The following FRRS1L variants were observed in gnomAD, a reference collection of about 807,000 sequenced individuals.
The protein encoded by FRRS1L is ferric chelate reductase 1 like.
Under a neutral mutation model 28.6 loss-of-function variants are expected in FRRS1L, and 22 were observed. That is an observed-to-expected ratio of 0.77 (90% CI 0.55 to 1.10). The LOEUF (loss-of-function observed/expected upper bound fraction) is 1.10. Ranked by LOEUF, FRRS1L falls within the 50% of genes least tolerant of loss-of-function variation. The pLI, the probability that FRRS1L is intolerant of heterozygous loss-of-function variation, is 0.00. For synonymous variants in FRRS1L, 158 were observed against 151.4 expected (o/e 1.04, Z -0.32); for missense variants, 380 against 386.9 (o/e 0.98, Z 0.15).
At position 109,167,119 on chromosome 9, in the gene FRRS1L, T is replaced by C; in HGVS notation, c.20A>G (p.Gln7Arg). 1 of 1,164,512 alleles carries C rather than the reference T, an allele frequency of 8.6e-7. No individual in the cohort carries two copies. Among genetic ancestry groups the C allele is most frequent in the Non-Finnish European group, 1.1e-6 (1 of 947,096 alleles). The allele number at this position is 1,164,512 out of a possible 1,614,324, so 72.1% of individuals were successfully genotyped here. The change falls in exon 1 of 5, where the codon CAG becomes CGG. Residue 7 changes from glutamine (Q) to arginine (R), a missense_variant. Physicochemically the swap from Gln to Arg is conservative, Grantham distance 43. Coordinates refer to ENST00000561981, the MANE Select transcript of FRRS1L (RefSeq NM_014334.4). ...CAGCGACGCCCAGACCCCCGGGTGC[T>C]GCCGGGGCGGCCGCGCCATCCGTGC... MARPPR[Q>R]HPGVWASLLL...
chr9:109,139,410 C>G (rs950508261), intron 4 of FRRS1L: 1 of 152,088 alleles, frequency 6.6e-6, no homozygotes, highest in Non-Finnish European at 1.5e-5. Flanking sequence ...AAAAAGATGA[C>G]CTTCTGAAAA....
At chr9:109,163,569 A>G (rs972299247) in intron 1 of FRRS1L, among the ~76,000 whole-genome samples, 16 of 152,070 alleles carry the variant, frequency 1.1e-4, no homozygotes, top group African/African-American at 3.6e-4. Context: ...TCTGGATTTG[A>G]GGGTTTTGGG....
intron 1 of FRRS1L, among the ~76,000 whole-genome samples, chr9:109,165,145 AAC>A (rs549373452): frequency 7.4e-4 from 113 of 152,334 alleles, no homozygotes; most frequent in African/African-American, 2.5e-3. Context: ...TGCTTTCAGA[AAC>A]AGACGGGCTT....
intron 1 of FRRS1L, among the ~76,000 whole-genome samples, chr9:109,154,082 G>A (rs1466001408): frequency 2.0e-5 from 3 of 152,196 alleles, no homozygotes; most frequent in Non-Finnish European, 4.4e-5. Flanking sequence ...GTTGGCCTGA[G>A]TTCCCAGTTC....
At chr9:109,161,494 T>C (rs1367086980) in intron 1 of FRRS1L, among the ~76,000 whole-genome samples, 4 of 152,174 alleles carry the variant, frequency 2.6e-5, no homozygotes, top group African/African-American at 9.6e-5. Context: ...CTCCCTCCTT[T>C]CCTCTCTATT....
chr9:109,137,446 C>A lies in FRRS1L; in HGVS notation c.*9G>T. 6.5e-7 allele frequency: 1 copy of A among 1,536,826 alleles called. No individual in the cohort carries two copies. Among genetic ancestry groups the A allele is most frequent in the Non-Finnish European group, 8.8e-7 (1 of 1,134,608 alleles). ...CAATCCATGTAATCTGTTGGCCCTG[C>A]AGCTGTGGTTAGGGGGTTCCCATCA... On this transcript the variant is annotated 3_prime_UTR_variant, in exon 5 of 5. Coordinates refer to ENST00000561981, the MANE Select transcript of FRRS1L (RefSeq NM_014334.4).
At chr9:109,138,873 C>A (rs776948683) in intron 4 of FRRS1L, 1 of 152,010 alleles carries the variant, frequency 6.6e-6, no homozygotes, top group Non-Finnish European at 1.5e-5. Flanking sequence ...TTACAGGGAC[C>A]TTAGGAGAAT....
intron 1 of FRRS1L, among the ~76,000 whole-genome samples, chr9:109,160,188 A>T (rs918121756): frequency 6.6e-6 from 1 of 151,960 alleles, no homozygotes; most frequent in African/African-American, 2.4e-5. Flanking sequence ...TATCAGTTTA[A>T]ACCCAACAGC....
intron 4 of FRRS1L, chr9:109,139,154 G>A (rs1831149606): frequency 6.6e-6 from 1 of 152,032 alleles, no homozygotes; most frequent in African/African-American, 2.4e-5. Flanking sequence ...AGCCAAGATC[G>A]CGCCATTGCA....
chr9:109,159,529 G>A (rs965249847), intron 1 of FRRS1L, among the ~76,000 whole-genome samples: 10 of 152,184 alleles, frequency 6.6e-5, no homozygotes, highest in South Asian at 6.2e-4. Flanking sequence ...GCCAGGCATG[G>A]TGGGACCCAC....
At chr9:109,147,646 T>C (rs1482660127) in intron 2 of FRRS1L, 1 of 152,924 alleles carries the variant, frequency 6.5e-6, no homozygotes, top group African/African-American at 2.4e-5. Flanking sequence ...AATTTTCATA[T>C]AATCAAACTA....
In FRRS1L at chr9:109,149,635, C is replaced by A. The variant is rs764947383; in HGVS notation, c.323+1G>T. The A allele has an allele frequency of 6.2e-7, 1 of 1,605,216 alleles. No homozygotes were observed. Among genetic ancestry groups the A allele is most frequent in the Non-Finnish European group, 8.5e-7 (1 of 1,171,960 alleles). ...GTTATCCAACCTGCAGTTCCACCAA[C>A]CTAAAGCATCCCTTAGTTTTTCCAC... On this transcript the variant is annotated splice_donor_variant, in intron 2 of 4. Transcript: ENST00000561981. LOFTEE classifies it high-confidence loss of function.
rs759396592 is a variant in FRRS1L at position 109,136,844 on chromosome 9, C to T, written c.*611G>A. ...GGCCAAAATTTCAAATAAATATGAA[C>T]TATTTTCATATCATTGTATTTTCCT... On this transcript the variant is annotated 3_prime_UTR_variant, in exon 5 of 5. Coordinates refer to ENST00000561981, the MANE Select transcript of FRRS1L (RefSeq NM_014334.4). 3 of 152,152 alleles carry T rather than the reference C, an allele frequency of 2.0e-5. No homozygotes were observed. The highest frequency in any genetic ancestry group is 4.8e-5 in the African/African-American group (2 of 41,430). 9.4% of individuals were successfully genotyped at this position (152,152 alleles called of 1,614,324 possible).
rs903402070 is a variant in FRRS1L at position 109,133,475 on chromosome 9, A to C, written c.*3980T>G. The C allele has an allele frequency of 6.6e-6, 1 of 152,358 alleles. No homozygotes were observed. Among genetic ancestry groups the C allele is most frequent in the South Asian group, 2.1e-4 (1 of 4,826 alleles). The allele number at this position is 152,358 out of a possible 1,614,324, so 9.4% of individuals were successfully genotyped here. ...AATTGGAGTATGGATAGTGGGTTCC[A>C]TTTAATAAAAGTTTTAATGGATGTG... is the stretch of plus-strand genomic sequence containing the variant. On this transcript the variant is annotated 3_prime_UTR_variant, in exon 5 of 5. Transcript: ENST00000561981.
At chr9:109,149,754 C>T in intron 1 of FRRS1L, 34 bp from the exon 2 acceptor site, 1 of 1,352,084 alleles carries the variant, frequency 7.4e-7, no homozygotes, top group African/African-American at 1.4e-5. Flanking sequence ...GTTAGAAAAT[C>T]CAGTAACAAC....
At chr9:109,160,159 G>A (rs918888885) in intron 1 of FRRS1L, among the ~76,000 whole-genome samples, 4 of 151,592 alleles carry the variant, frequency 2.6e-5, no homozygotes, top group East Asian at 1.9e-4. Flanking sequence ...CACAGTTTTC[G>A]GCCTTTCTTC....
Position 109,133,686 on chromosome 9 carries a change from T to C in FRRS1L, c.*3769A>G, listed in dbSNP as rs967096539. 1.3e-5 allele frequency: 2 copies of C among 152,214 alleles called. No homozygotes were observed. Among genetic ancestry groups the C allele is most frequent in the Non-Finnish European group, 1.5e-5 (1 of 68,040 alleles). The allele number at this position is 152,214 out of a possible 1,614,324, so 9.4% of individuals were successfully genotyped here. On this transcript the variant is annotated 3_prime_UTR_variant, in exon 5 of 5. Transcript: ENST00000561981. Reference sequence around the variant, plus strand: ...GATAAATAATAGAATCTACTTCCTATGGTTGCGGTGAGGATTAAATGAGTT... The same window carrying C: ...GATAAATAATAGAATCTACTTCCTACGGTTGCGGTGAGGATTAAATGAGTT...
chr9:109,153,019 C>T (rs891890056), intron 1 of FRRS1L, among the ~76,000 whole-genome samples: 1 of 151,982 alleles, frequency 6.6e-6, no homozygotes, highest in Admixed American at 6.6e-5. Context: ...CTGTCAAATG[C>T]ACTTGGACAT....
Position 109,131,749 on chromosome 9 carries a change from T to C in FRRS1L, c.*5706A>G, listed in dbSNP as rs10979696. ...GGGATCGTCTGTGTATATAAACACA[T>C]GGAGAACCACCTAACTGTTCACTAA... is the stretch of plus-strand genomic sequence containing the variant. On this transcript the variant is annotated 3_prime_UTR_variant, in exon 5 of 5. Transcript: ENST00000561981. 0.9 allele frequency: 137,159 copies of C among 152,304 alleles called. 61,930 individuals carry two copies. The highest frequency in any genetic ancestry group is 0.96 in the African/African-American group (39,855 of 41,572). 9.4% of individuals were successfully genotyped at this position (152,304 alleles called of 1,614,324 possible).
Sources: gnomAD v4.1 joint callset for allele counts (sites outside exome capture counted in the v4.1 genomes callset) on GRCh38, gnomAD v4.1.1 for gene constraint, MANE v1.5 for transcripts, NCBI Gene and HGNC (gene_info 2026-07-23, HGNC 2026-07-21) for gene names.